FUCA1: variants seen among roughly 807,000 people sequenced by gnomAD.
FUCA1 encodes alpha-L-fucosidase 1.
A neutral mutation model predicts 56.8 loss-of-function variants in FUCA1; 52 were observed. That is an observed-to-expected ratio of 0.92 (90% CI 0.73 to 1.15). The LOEUF (loss-of-function observed/expected upper bound fraction) is 1.15, where lower values mean the gene tolerates loss of function less well. Among genes scored for constraint, FUCA1 ranks in the 50% most tolerant of loss-of-function variants. The pLI is 0.00. For missense variants in FUCA1, 568 were observed against 592.6 expected (o/e 0.96, Z 0.43); for synonymous variants, 230 against 226.6 (o/e 1.02, Z -0.14).
At chr1:23,852,915 G>A (rs1639296761) in intron 5 of FUCA1, among the ~76,000 whole-genome samples, 2 of 151,864 alleles carry the variant, frequency 1.3e-5, no homozygotes, top group East Asian at 2.0e-4. Flanking sequence ...GGGAAGTGAG[G>A]AGCGTCTCTG....
Position 23,846,186 on chromosome 1 carries a change from A to G in FUCA1, c.1161-13T>C. 3 of 1,551,126 alleles carry G rather than the reference A, an allele frequency of 1.9e-6. No homozygotes were observed. The highest frequency in any genetic ancestry group is 2.7e-6 in the Non-Finnish European group (3 of 1,122,550). On this transcript the variant is annotated splice_polypyrimidine_tract_variant and intron_variant, in intron 6 of 7. Coordinates refer to ENST00000374479, the MANE Select transcript of FUCA1 (RefSeq NM_000147.5). ...CTTTGAGGTATACCTGGGAAAACAG[A>G]AACAACACTGTCAAAGATACCTGAC...
At chr1:23,857,352 C>G (rs900617113) in intron 4 of FUCA1, among the ~76,000 whole-genome samples, 1 of 152,146 alleles carries the variant, frequency 6.6e-6, no homozygotes, top group Non-Finnish European at 1.5e-5. Flanking sequence ...GTGAATAAAA[C>G]AGAGTTCTTG....
rs1256410979 is a variant in FUCA1 at position 23,863,260 on chromosome 1, T to A, written c.536A>T (p.Tyr179Phe). The A allele has an allele frequency of 1.9e-6, 3 of 1,613,098 alleles. No homozygotes were observed. The Admixed American group carries it at 5.0e-5, about 27-fold the overall frequency. Residue 179 changes from tyrosine to phenylalanine, a missense_variant, in exon 3 of 8, where the codon TAT becomes TTT. Coordinates refer to ENST00000374479, the MANE Select transcript of FUCA1 (RefSeq NM_000147.5). ...GTALRKRNIR[Y>F]GLYHSLLEWF... ...CTCTAAGAGTGAGTGGTATAGTCCA[T>A]AGCGGATGTTCCTTAAACAGAAAAA... is the stretch of plus-strand genomic sequence containing the variant.
rs145900261 is a variant in FUCA1, at chr1:23,846,392, C to T, written c.1161-219G>A. 9.6e-3 allele frequency among the ~76,000 whole-genome samples: 1,451 copies of T among 151,778 alleles called. 14 individuals are homozygous for T. The highest frequency in any genetic ancestry group is 0.033 in the South Asian group (157 of 4,800). On this transcript the variant is annotated intron_variant, in intron 6 of 7. Transcript: ENST00000374479. ...GTTCAAGCAATTCTTGTGGTTCAGC[C>T]TCCTGAGTCACTGGATTACAGGTGT... is the stretch of plus-strand genomic sequence containing the variant.
At chr1:23,858,189 T>C (rs987892465) in intron 4 of FUCA1, among the ~76,000 whole-genome samples, 11 of 152,002 alleles carry the variant, frequency 7.2e-5, no homozygotes, top group African/African-American at 2.4e-5. Flanking sequence ...CTCAGCCTCC[T>C]GAGCAGCTGG....
chr1:23,852,252 C>T (rs975736496), intron 5 of FUCA1, among the ~76,000 whole-genome samples: 1 of 151,798 alleles, frequency 6.6e-6, no homozygotes, highest in African/African-American at 2.4e-5. Flanking sequence ...AAGACCCTGT[C>T]TCTACAAAAA....
chr1:23,860,126 T>C (rs1194410408), intron 3 of FUCA1, among the ~76,000 whole-genome samples: 1 of 152,194 alleles, frequency 6.6e-6, no homozygotes, highest in Non-Finnish European at 1.5e-5. Flanking sequence ...CAGGTGCACA[T>C]CACTGCATTT....
chr1:23,859,908 A>T lies in FUCA1; in HGVS notation c.663-5T>A. On this transcript the variant is annotated splice_region_variant and splice_polypyrimidine_tract_variant and intron_variant, in intron 3 of 7. Transcript: ENST00000374479. ...CAGATCAGATCAGGTTTATAGCTGG[A>T]AGACATGTGATCAGGACAGAGCTTA... 6.4e-7 allele frequency: 1 copy of T among 1,560,100 alleles called. No individual in the cohort carries two copies. Among genetic ancestry groups the T allele is most frequent in the Non-Finnish European group, 8.8e-7 (1 of 1,131,002 alleles).
intron 3 of FUCA1, among the ~76,000 whole-genome samples, chr1:23,861,030 A>G (rs930013349): frequency 6.7e-6 from 1 of 150,198 alleles, no homozygotes; most frequent in Non-Finnish European, 1.5e-5. Context: ...CCAATTAAGA[A>G]TGGGTGCAGC....
At chr1:23,856,557 C>T (rs938276151) in intron 4 of FUCA1, among the ~76,000 whole-genome samples, 6 of 152,242 alleles carry the variant, frequency 3.9e-5, no homozygotes, top group African/African-American at 9.6e-5. Context: ...GCTTAGCATG[C>T]GGCATGCTAC....
chr1:23,856,977 G>T (rs1428700579), intron 4 of FUCA1, among the ~76,000 whole-genome samples: 1 of 151,062 alleles, frequency 6.6e-6, no homozygotes, highest in Non-Finnish European at 1.5e-5. Context: ...GGGCGACAGT[G>T]CGAGACTCCC....
Position 23,848,761 on chromosome 1 carries a change from T to A in FUCA1, c.1048A>T (p.Ile350Phe), listed in dbSNP as rs1380905344. The A allele has an allele frequency of 1.2e-6, 2 of 1,614,152 alleles. No homozygotes were observed. Among genetic ancestry groups the A allele is most frequent in the Admixed American group, 3.3e-5 (2 of 60,018 alleles). Residue 350 changes from isoleucine to phenylalanine, a missense_variant, in exon 6 of 8, where the codon ATC (isoleucine) becomes TTC (phenylalanine). Physicochemically the swap from Ile to Phe is conservative, Grantham distance 21. Transcript: ENST00000374479. ...GPTKDGLIVP[I>F]FQERLLAVGK... Reference sequence around the variant, plus strand: ...ACAGCAAGAAGCCTTTCTTGGAAGATGGGAACAATCAGTCCATCTTTAGTT... The same window carrying A: ...ACAGCAAGAAGCCTTTCTTGGAAGAAGGGAACAATCAGTCCATCTTTAGTT...
chr1:23,859,970 AT>A (rs370615681), intron 3 of FUCA1, 67 bp from the exon 4 acceptor site: 53,621 of 750,910 alleles, frequency 0.071, no homozygotes, highest in South Asian at 0.11. Flanking sequence ...CTTATGGACC[AT>A]TTTTTTTTTT....
chr1:23,849,575 C>CTGTTTTTTTTTTTT (rs1639214440), intron 5 of FUCA1, among the ~76,000 whole-genome samples: 1 of 80,262 alleles, frequency 1.2e-5, no homozygotes, highest in Non-Finnish European at 2.3e-5. Flanking sequence ...GAGATACGTT[C>CTGTTTTTTTTTTTT]TTTTTTTTTT....
intron 4 of FUCA1, 69 bp from the exon 5 acceptor site, chr1:23,854,629 G>T: frequency 3.9e-6 from 5 of 1,280,414 alleles, no homozygotes; most frequent in Non-Finnish European, 5.7e-6. Context: ...ATACACTTTG[G>T]TAAGGCTCTA....
At chr1:23,853,073 G>C (rs1161866364) in intron 5 of FUCA1, among the ~76,000 whole-genome samples, 2 of 144,146 alleles carry the variant, frequency 1.4e-5, no homozygotes, top group Admixed American at 6.8e-5. Flanking sequence ...GAAGTGAGGA[G>C]CGTCTCTGCC....
At chr1:23,863,071 C>A in intron 3 of FUCA1, 63 bp downstream of exon 3, 1 of 1,551,642 alleles carries the variant, frequency 6.4e-7, no homozygotes, top group Middle Eastern at 1.7e-4. Context: ...TTTAATGGTA[C>A]CCTATAGGAA....
intron 5 of FUCA1, among the ~76,000 whole-genome samples, chr1:23,851,345 C>G (rs1040528717): frequency 1.3e-5 from 2 of 151,552 alleles, no homozygotes; most frequent in South Asian, 2.1e-4. Context: ...GCCTGGGTGA[C>G]AGAGTGAAGT....
chr1:23,867,704 C>G lies in FUCA1; in HGVS notation c.389+194G>C. The G allele has an allele frequency of 4.1e-6, 4 of 984,874 alleles. No individual in the cohort carries two copies. The highest frequency in any genetic ancestry group is 4.8e-6 in the Non-Finnish European group (4 of 829,442). The allele number at this position is 984,874 out of a possible 1,614,324, so 61.0% of individuals were successfully genotyped here. The stretch of plus-strand genomic sequence containing the variant: ...GCCATCTCCCTGAACCTTCATTTAT[C>G]AGTCCCCAGTCAAACGCACCTCCTC... On this transcript the variant is annotated intron_variant, in intron 1 of 7. Transcript: ENST00000374479. This position sits in a 1 kb window ranked among gnomAD's most constrained non-coding sequence, Gnocchi z 4.9.
Sources: allele counts gnomAD v4.1 joint callset (sites outside exome capture counted in the v4.1 genomes callset), GRCh38; gene constraint gnomAD v4.1.1; non-coding constraint Gnocchi (gnomAD v3.1); transcripts MANE v1.5; gene names NCBI Gene and HGNC (gene_info 2026-07-23, HGNC 2026-07-21).